The following CTNNA2 variants were observed in gnomAD, a reference collection of about 807,000 sequenced individuals.
The protein encoded by CTNNA2 is catenin alpha 2.
CTNNA2 carries 42 observed loss-of-function variants against 101.0 expected under a neutral mutation model. That is an observed-to-expected ratio of 0.42 (90% CI 0.32 to 0.54). The LOEUF is 0.54. Among genes scored for constraint, CTNNA2 ranks in the 20% least tolerant of loss-of-function variants. The pLI is 0.14. For synonymous variants in CTNNA2, 450 were observed against 456.4 expected (o/e 0.99, Z 0.18); for missense variants, 871 against 1,223.1 (o/e 0.71, Z 4.29).
chr2:80,114,418 A>G (rs1007229354), intron 7 of CTNNA2, among the ~76,000 whole-genome samples: 1 of 152,168 alleles, frequency 6.6e-6, no homozygotes, highest in Non-Finnish European at 1.5e-5. Flanking sequence ...GCTAGATTTT[A>G]TTTGCAGATG....
At chr2:79,546,840 T>C (rs1673762764) in intron 1 of CTNNA2, among the ~76,000 whole-genome samples, 1 of 152,194 alleles carries the variant, frequency 6.6e-6, no homozygotes, top group Admixed American at 6.5e-5. Flanking sequence ...TACAATAGCA[T>C]TTTTATTTAT....
At chr2:79,521,905 C>A (rs1442212227) in intron 1 of CTNNA2, among the ~76,000 whole-genome samples, 5 of 152,126 alleles carry the variant, frequency 3.3e-5, no homozygotes, top group South Asian at 4.2e-4. Context: ...TTAAAGTGGG[C>A]AAGCATACAA....
intron 7 of CTNNA2, among the ~76,000 whole-genome samples, chr2:79,977,194 ACACACACACGTG>A (rs899839132): frequency 4.6e-5 from 7 of 150,992 alleles, no homozygotes; most frequent in African/African-American, 1.7e-4. Flanking sequence ...TTGCAAACGT[ACACACACACGTG>A]CACATGCATA....
intron 9 of CTNNA2, among the ~76,000 whole-genome samples, chr2:80,517,893 G>A (rs752508910): frequency 6.6e-6 from 1 of 152,136 alleles, no homozygotes; most frequent in South Asian, 2.1e-4. Context: ...AGAGTGTATT[G>A]AAAACATTGG....
chr2:79,999,778 A>G (rs73940904), intron 7 of CTNNA2, among the ~76,000 whole-genome samples: 4,230 of 152,260 alleles, frequency 0.028, 192 homozygotes, highest in African/African-American at 0.096. Flanking sequence ...GTTATAGCTT[A>G]TGTTCTAGTA....
At chr2:80,457,156 C>T (rs540230001) in intron 9 of CTNNA2, among the ~76,000 whole-genome samples, 22 of 152,002 alleles carry the variant, frequency 1.4e-4, no homozygotes, top group African/African-American at 5.1e-4. Context: ...CTCTGCCTCC[C>T]GGGTTCAAGT....
chr2:79,336,344 A>G (rs952042025), intron 3 of CTNNA2, among the ~76,000 whole-genome samples: 2 of 152,186 alleles, frequency 1.3e-5, no homozygotes, highest in African/African-American at 4.8e-5. Flanking sequence ...TGTTACACCC[A>G]GCCTTTAGGA....
intron 1 of CTNNA2, among the ~76,000 whole-genome samples, chr2:79,632,065 T>G (rs1244522592): frequency 6.6e-6 from 1 of 152,218 alleles, no homozygotes; most frequent in Non-Finnish European, 1.5e-5. Flanking sequence ...ACAGTCGCAG[T>G]GGTTTTAGAT....
At chr2:79,714,950 G>A (rs2104828110) in intron 2 of CTNNA2, among the ~76,000 whole-genome samples, 1 of 151,484 alleles carries the variant, frequency 6.6e-6, no homozygotes, top group African/African-American at 2.4e-5. Flanking sequence ...CAGCACTTTG[G>A]GAGGCCAAGG....
chr2:79,463,985 GT>G (rs35795985), intron 4 of CTNNA2, among the ~76,000 whole-genome samples: 82,804 of 148,482 alleles, frequency 0.56, 22,787 homozygotes, highest in Middle Eastern at 0.67. Flanking sequence ...CTTAAAGAAA[GT>G]TTTTTTTTTT....
intron 7 of CTNNA2, among the ~76,000 whole-genome samples, chr2:80,040,025 C>G: frequency 6.6e-6 from 1 of 152,124 alleles, no homozygotes; most frequent in Non-Finnish European, 1.5e-5. Context: ...TAAAAATTAT[C>G]TAGATATGGA....
At chr2:80,426,287 G>A (rs1680985137) in intron 9 of CTNNA2, among the ~76,000 whole-genome samples, 1 of 152,016 alleles carries the variant, frequency 6.6e-6, no homozygotes, top group Non-Finnish European at 1.5e-5. Context: ...GGGTGGAGTG[G>A]GTGTAATTTG....
chr2:79,384,199 T>C (rs1678071641), intron 4 of CTNNA2, among the ~76,000 whole-genome samples: 3 of 152,220 alleles, frequency 2.0e-5, no homozygotes, highest in Admixed American at 6.5e-5. Flanking sequence ...TTCATGCTGC[T>C]TTAATTAAAA....
At chr2:79,734,468 A>C (rs560385661) in intron 2 of CTNNA2, among the ~76,000 whole-genome samples, 13 of 152,250 alleles carry the variant, frequency 8.5e-5, no homozygotes, top group Admixed American at 4.6e-4. Flanking sequence ...AAATGACATA[A>C]ATTGTAAGAC....
intron 1 of CTNNA2, among the ~76,000 whole-genome samples, chr2:79,537,236 T>C (rs1673129283): frequency 6.6e-6 from 1 of 152,170 alleles, no homozygotes. Flanking sequence ...ATGACCACCA[T>C]TTCTAGAAAT....
chr2:80,026,054 G>C (rs1694908765), intron 7 of CTNNA2, among the ~76,000 whole-genome samples: 1 of 152,124 alleles, frequency 6.6e-6, no homozygotes, highest in South Asian at 2.1e-4. Flanking sequence ...GGGTGAGCTG[G>C]GATATGTTTG....
Position 80,292,763 on chromosome 2 carries a change from C to G in CTNNA2, c.1057-100448C>G, listed in dbSNP as rs531067981. Among the ~76,000 whole-genome samples the G allele has an allele frequency of 2.6e-5, 4 of 152,280 alleles. 1 individual carries two copies. In the South Asian group the frequency reaches 8.3e-4, roughly 32 times the overall value. On this transcript the variant is annotated intron_variant, in intron 7 of 18. Coordinates refer to ENST00000402739, the MANE Select transcript of CTNNA2 (RefSeq NM_001282597.3). ...CACTCCACAAATGTTGACTTAAGCT[C>G]TGAACAAGAAATGTTGTGCTACTTT... is the stretch of plus-strand genomic sequence containing the variant.
At chr2:79,815,371 C>T (rs1243363602) in intron 3 of CTNNA2, among the ~76,000 whole-genome samples, 1 of 152,016 alleles carries the variant, frequency 6.6e-6, no homozygotes, top group Non-Finnish European at 1.5e-5. Context: ...AGGGTTTTTT[C>T]AATGTTATCA....
intron 7 of CTNNA2, among the ~76,000 whole-genome samples, chr2:80,277,239 C>CTTTCAGCAGA (rs2149151390): frequency 6.6e-6 from 1 of 152,240 alleles, no homozygotes; most frequent in East Asian, 1.9e-4. Flanking sequence ...CCACATCATT[C>CTTTCAGCAGA]TTTCAGCAGA....
Sources: allele counts gnomAD v4.1 joint callset (sites outside exome capture counted in the v4.1 genomes callset), GRCh38; gene constraint gnomAD v4.1.1; transcripts MANE v1.5; gene names NCBI Gene and HGNC (gene_info 2026-07-23, HGNC 2026-07-21).